Variants in CCSER1 observed in about 807,000 individuals in gnomAD.
The protein encoded by CCSER1 is serine-rich coiled-coil domain-containing protein 1.
CCSER1 carries 41 observed loss-of-function variants against 82.0 expected under a neutral mutation model. The ratio of observed to expected loss-of-function variants is 0.50; its 90% confidence interval spans 0.39 to 0.65. The LOEUF (loss-of-function observed/expected upper bound fraction) is 0.65. Ranked by LOEUF, CCSER1 falls within the 30% of genes least tolerant of loss-of-function variation. The pLI is 0.00. For synonymous variants in CCSER1, 414 were observed against 383.9 expected, an observed-to-expected ratio of 1.08 and a Z score of -0.92; for missense variants, 1,119 against 1,064.2, an observed-to-expected ratio of 1.05 and a Z score of -0.72.
intron 10 of CCSER1, among the ~76,000 whole-genome samples, chr4:91,137,725 C>A (rs1387406707): frequency 2.0e-5 from 3 of 151,950 alleles, no homozygotes; most frequent in Admixed American, 6.6e-5. Context: ...GAGATGATAT[C>A]TCATAGTGGT....
rs570989881 is a variant in CCSER1 at position 91,423,833 on chromosome 4, C to G, written c.2218-174739C>G. On this transcript the variant is annotated intron_variant, in intron 10 of 10. Coordinates refer to ENST00000509176, the MANE Select transcript of CCSER1 (RefSeq NM_001145065.2). Reference sequence around the variant, plus strand: ...GTGTTCACTGAGTCTCTGTATTGTGCACTGTTCCCGTCAGCTTCAGAGGAG... The same window carrying G: ...GTGTTCACTGAGTCTCTGTATTGTGGACTGTTCCCGTCAGCTTCAGAGGAG... Among the ~76,000 whole-genome samples the G allele has an allele frequency of 2.0e-5, 3 of 152,084 alleles. No homozygotes were observed. The South Asian group carries it at 6.2e-4, about 32-fold the overall frequency.
chr4:90,840,401 A>G (rs1762437401), intron 8 of CCSER1, among the ~76,000 whole-genome samples: 1 of 152,196 alleles, frequency 6.6e-6, no homozygotes. Context: ...TAGCAGTACT[A>G]TTTATGAAGT....
chr4:90,920,618 T>C (rs922777337), intron 8 of CCSER1, among the ~76,000 whole-genome samples: 1 of 151,870 alleles, frequency 6.6e-6, no homozygotes, highest in Non-Finnish European at 1.5e-5. Flanking sequence ...CATTCCAAAT[T>C]ATTTAACTCT....
At chr4:90,272,542 G>A (rs1295664688) in intron 1 of CCSER1, among the ~76,000 whole-genome samples, 2 of 152,006 alleles carry the variant, frequency 1.3e-5, no homozygotes, top group African/African-American at 2.4e-5. Context: ...TATGACCTAG[G>A]TATCCCACTG....
intron 9 of CCSER1, among the ~76,000 whole-genome samples, chr4:90,925,022 CT>C (rs1183357744): frequency 1.3e-5 from 2 of 152,146 alleles, no homozygotes; most frequent in Non-Finnish European, 2.9e-5. Context: ...CCACCACCCC[CT>C]GCCTAAAAAT....
At chr4:91,299,499 G>A (rs976854816) in intron 10 of CCSER1, among the ~76,000 whole-genome samples, 8 of 151,902 alleles carry the variant, frequency 5.3e-5, no homozygotes, top group African/African-American at 1.9e-4. Context: ...TTACCTATGG[G>A]ATAGTTGTCA....
intron 1 of CCSER1, among the ~76,000 whole-genome samples, chr4:90,258,267 C>A (rs574603543): frequency 4.1e-4 from 62 of 152,236 alleles, no homozygotes; most frequent in African/African-American, 1.3e-3. Flanking sequence ...GTAATCCCAG[C>A]ACTTTGGGAG....
intron 4 of CCSER1, among the ~76,000 whole-genome samples, chr4:90,405,984 A>G (rs1454663002): frequency 6.6e-6 from 1 of 152,224 alleles, no homozygotes; most frequent in Non-Finnish European, 1.5e-5. Context: ...AACAAATAGC[A>G]TGATGAATAG....
chr4:90,821,632 A>G (rs764520771), intron 8 of CCSER1, among the ~76,000 whole-genome samples: 1 of 152,206 alleles, frequency 6.6e-6, no homozygotes, highest in Non-Finnish European at 1.5e-5. Context: ...GTCTAAACAT[A>G]ATAGCTAAAC....
At chr4:90,792,758 C>T (rs1755441449) in intron 7 of CCSER1, among the ~76,000 whole-genome samples, 1 of 152,202 alleles carries the variant, frequency 6.6e-6, no homozygotes, top group African/African-American at 2.4e-5. Context: ...GCAGCTTGTG[C>T]CAGGCAGGCA....
At chr4:91,232,752 CTG>C (rs1738721436) in intron 10 of CCSER1, among the ~76,000 whole-genome samples, 1 of 151,676 alleles carries the variant, frequency 6.6e-6, no homozygotes, top group Non-Finnish European at 1.5e-5. Flanking sequence ...AAATGTATCT[CTG>C]TGTGTATTCC....
chr4:91,437,697 G>A lies in CCSER1; in HGVS notation c.2218-160875G>A, dbSNP rs555625937. 1.8e-3 allele frequency among the ~76,000 whole-genome samples: 271 copies of A among 152,314 alleles called. 2 individuals are homozygous for A. The highest frequency in any genetic ancestry group is 5.4e-3 in the African/African-American group (224 of 41,584). ...CGAGGCATTGCCTCACTCAGGAAGC[G>A]CAAGGGGTCAGGGAGTTCCCTTCCC... On this transcript the variant is annotated intron_variant, in intron 10 of 10. Coordinates refer to ENST00000509176, the MANE Select transcript of CCSER1 (RefSeq NM_001145065.2).
intron 10 of CCSER1, among the ~76,000 whole-genome samples, chr4:91,474,800 TATATATATATATAC>T (rs1560700630): frequency 4.5e-5 from 4 of 89,086 alleles, no homozygotes; most frequent in South Asian, 4.4e-4. Context: ...TATATATATA[TATATATATATATAC>T]ACACACACAC....
intron 10 of CCSER1, among the ~76,000 whole-genome samples, chr4:91,312,603 C>T (rs6532286): frequency 0.78 from 117,663 of 151,810 alleles, 45,676 homozygotes; most frequent in Middle Eastern, 0.84. Context: ...GCATAAAGCA[C>T]GCAATACAGA....
chr4:90,782,905 C>T (rs1753993078), intron 7 of CCSER1, among the ~76,000 whole-genome samples: 1 of 151,466 alleles, frequency 6.6e-6, no homozygotes, highest in South Asian at 2.1e-4. Context: ...TGGTCTCGAT[C>T]TCCTGTGATC....
At chr4:90,834,735 A>C (rs1279399230) in intron 8 of CCSER1, among the ~76,000 whole-genome samples, 1 of 152,208 alleles carries the variant, frequency 6.6e-6, no homozygotes, top group African/African-American at 2.4e-5. Flanking sequence ...TTAACACCTG[A>C]TGTGTACATC....
At chr4:91,209,051 T>A (rs551668580) in intron 10 of CCSER1, among the ~76,000 whole-genome samples, 53 of 151,978 alleles carry the variant, frequency 3.5e-4, no homozygotes, top group Non-Finnish European at 6.5e-4. Flanking sequence ...CTAATTTTTG[T>A]ACATTAATTT....
At chr4:91,091,375 T>C (rs192714319) in intron 10 of CCSER1, among the ~76,000 whole-genome samples, 6 of 152,272 alleles carry the variant, frequency 3.9e-5, no homozygotes, top group Admixed American at 2.6e-4. Context: ...AGTGTTATTA[T>C]ACAAACATGT....
intron 5 of CCSER1, among the ~76,000 whole-genome samples, chr4:90,525,814 A>AT (rs1773689117): frequency 6.6e-6 from 1 of 151,866 alleles, no homozygotes; most frequent in Admixed American, 6.6e-5. Flanking sequence ...AATATATTTT[A>AT]TTTTTTGTAG....
Sources: gnomAD v4.1 joint callset for allele counts (sites outside exome capture counted in the v4.1 genomes callset) on GRCh38, gnomAD v4.1.1 for gene constraint, MANE v1.5 for transcripts, NCBI Gene and HGNC (gene_info 2026-07-23, HGNC 2026-07-21) for gene names.